The following DENND1A variants were observed in gnomAD, a reference collection of about 807,000 sequenced individuals.
DENND1A encodes the protein DENN domain-containing protein 1A.
DENND1A carries 51 observed loss-of-function variants against 113.7 expected under a neutral mutation model. The ratio of observed to expected loss-of-function variants is 0.45; its 90% CI spans 0.36 to 0.57. The LOEUF is 0.57. Ranked by LOEUF, DENND1A falls within the 20% of genes least tolerant of loss-of-function variation. The pLI is 0.00. For missense variants in DENND1A, 1,258 were observed against 1,395.9 expected, an observed-to-expected ratio of 0.90 and a Z score of 1.57; for synonymous variants, 565 against 570.8, an observed-to-expected ratio of 0.99 and a Z score of 0.14.
At chr9:123,695,316 C>A (rs957726415) in intron 5 of DENND1A, among the ~76,000 whole-genome samples, 1 of 152,060 alleles carries the variant, frequency 6.6e-6, no homozygotes, top group African/African-American at 2.4e-5. Context: ...AAAGTCCATA[C>A]GCTAAATATT....
intron 21 of DENND1A, among the ~76,000 whole-genome samples, chr9:123,391,999 C>T (rs1434147678): frequency 6.6e-6 from 1 of 152,196 alleles, no homozygotes; most frequent in African/African-American, 2.4e-5. Context: ...CCCGCCTCTG[C>T]CCACCTTGTC....
chr9:123,657,388 G>T (rs2063007649), intron 8 of DENND1A, among the ~76,000 whole-genome samples: 1 of 151,422 alleles, frequency 6.6e-6, no homozygotes, highest in South Asian at 2.1e-4. Context: ...TACGAAGCAG[G>T]TGGGGGTGGT....
At chr9:123,701,969 C>A (rs919337368) in intron 5 of DENND1A, among the ~76,000 whole-genome samples, 1 of 152,156 alleles carries the variant, frequency 6.6e-6, no homozygotes, top group Non-Finnish European at 1.5e-5. Flanking sequence ...GTACTAGTGA[C>A]TGACCATAAA....
intron 11 of DENND1A, among the ~76,000 whole-genome samples, chr9:123,601,587 A>G (rs1189117149): frequency 6.6e-6 from 1 of 152,186 alleles, no homozygotes; most frequent in Non-Finnish European, 1.5e-5. Context: ...CCACCGTTCA[A>G]TTACCTTTTT....
At chr9:123,540,109 C>T (rs1207742013) in intron 13 of DENND1A, among the ~76,000 whole-genome samples, 2 of 152,154 alleles carry the variant, frequency 1.3e-5, no homozygotes, top group African/African-American at 2.4e-5. Context: ...AATCTTGTAT[C>T]TACCCAACTG....
chr9:123,877,133 AC>A (rs1406405727), intron 2 of DENND1A, among the ~76,000 whole-genome samples: 2 of 152,204 alleles, frequency 1.3e-5, no homozygotes, highest in East Asian at 3.8e-4. Flanking sequence ...CCCAGACTTC[AC>A]CACTATGCAA....
In DENND1A at chr9:123,746,573, G is replaced by A. The variant is rs142178865; in HGVS notation, c.302+11130C>T. Among the ~76,000 whole-genome samples the A allele has an allele frequency of 2.9e-3, 443 of 152,176 alleles. 3 individuals carry two copies. The highest frequency in any genetic ancestry group is 9.7e-3 in the African/African-American group (402 of 41,536). Reference sequence around the variant, plus strand: ...CTAATTTGGAAATCCAAAATGCTCCGATGGACATTTCATTTGAGCATCATG... The same window carrying A: ...CTAATTTGGAAATCCAAAATGCTCCAATGGACATTTCATTTGAGCATCATG... On this transcript the variant is annotated intron_variant, in intron 5 of 23. Transcript: ENST00000394215.
At chr9:123,918,393 C>T (rs1419081417) in intron 1 of DENND1A, among the ~76,000 whole-genome samples, 2 of 151,368 alleles carry the variant, frequency 1.3e-5, no homozygotes, top group African/African-American at 4.9e-5. Flanking sequence ...GAGGCTGAAG[C>T]AGGAGAATGG....
intron 12 of DENND1A, among the ~76,000 whole-genome samples, chr9:123,560,080 T>G (rs908028273): frequency 1.3e-5 from 2 of 152,258 alleles, no homozygotes; most frequent in Non-Finnish European, 2.9e-5. Context: ...ATTTTATCGA[T>G]CTGTTCATCT....
chr9:123,633,090 T>C (rs1473876114), intron 9 of DENND1A, among the ~76,000 whole-genome samples: 1 of 152,152 alleles, frequency 6.6e-6, no homozygotes, highest in African/African-American at 2.4e-5. Flanking sequence ...GTATATTTTG[T>C]AGAGACGGGG....
chr9:123,421,650 T>G (rs991743083), intron 19 of DENND1A, among the ~76,000 whole-genome samples: 1 of 152,202 alleles, frequency 6.6e-6, no homozygotes, highest in Non-Finnish European at 1.5e-5. Flanking sequence ...ACCAGGCTCA[T>G]TTATCATCTC....
intron 13 of DENND1A, among the ~76,000 whole-genome samples, chr9:123,489,233 T>C (rs960335994): frequency 6.6e-6 from 1 of 152,178 alleles, no homozygotes; most frequent in South Asian, 2.1e-4. Flanking sequence ...GAAGTTCTAG[T>C]CCTATTCCCA....
intron 13 of DENND1A, among the ~76,000 whole-genome samples, chr9:123,546,623 A>G: frequency 6.6e-6 from 1 of 152,174 alleles, no homozygotes; most frequent in East Asian, 1.9e-4. Context: ...TTTCTGATGT[A>G]TAGCATGGGG....
Position 123,667,068 on chromosome 9 carries a change from A to G in DENND1A, c.465T>C (p.Phe155=). 6.2e-7 allele frequency: 1 copy of G among 1,600,874 alleles called. No individual in the cohort carries two copies. The highest frequency in any genetic ancestry group is 8.5e-7 in the Non-Finnish European group (1 of 1,176,180). Residue 155 remains phenylalanine, a synonymous_variant, in exon 8 of 24, where the codon TTT becomes TTC. Coordinates refer to ENST00000394215, the MANE Select transcript of DENND1A (RefSeq NM_001352964.2). ...VSVHLSVHSY[F]TVPDTRELPS... ...GAAGTTCTCTGGTATCAGGCACAGT[A>G]AAATAAGAATGCTAGAAAAGAAAAG...
At chr9:123,533,117 C>A (rs2055464393) in intron 13 of DENND1A, among the ~76,000 whole-genome samples, 1 of 152,216 alleles carries the variant, frequency 6.6e-6, no homozygotes, top group Admixed American at 6.5e-5. Context: ...CTGTTGAATT[C>A]TCCTGCAAAA....
chr9:123,755,769 C>T (rs2070488065), intron 5 of DENND1A, among the ~76,000 whole-genome samples: 1 of 152,190 alleles, frequency 6.6e-6, no homozygotes, highest in Non-Finnish European at 1.5e-5. Flanking sequence ...TTCTTAATAA[C>T]TTTTCCCTTC....
Position 123,381,577 on chromosome 9 carries a change from A to G in DENND1A, c.3068T>C (p.Leu1023Pro). ...PRPPQGLEPT[L>P]QPSAPQQARD... ...GGCCTGTTGAGGAGCAGAGGGCTGC[A>G]GTGTTGGCTCCAGGCCTTGAGGGGG... Residue 1023 changes from leucine to proline, a missense_variant, in exon 24 of 24, where the codon CTG becomes CCG. This residue lies in a region of DENND1A where 1,159 missense variants were observed against 1,231.7 expected (regional missense o/e 0.94). Coordinates refer to ENST00000394215, the MANE Select transcript of DENND1A (RefSeq NM_001352964.2). This position sits in a 1 kb window ranked among gnomAD's most constrained non-coding sequence, Gnocchi z 4.7. 6.2e-7 allele frequency: 1 copy of G among 1,613,574 alleles called. No homozygotes were observed. The highest frequency in any genetic ancestry group is 8.5e-7 in the Non-Finnish European group (1 of 1,179,948).
chr9:123,646,635 G>A (rs956919864), intron 9 of DENND1A, among the ~76,000 whole-genome samples: 1 of 151,868 alleles, frequency 6.6e-6, no homozygotes, highest in Non-Finnish European at 1.5e-5. Context: ...CGCTCTCTTC[G>A]GCTTTATTTT....
At chr9:123,739,691 G>A (rs2068837835) in intron 5 of DENND1A, among the ~76,000 whole-genome samples, 1 of 152,070 alleles carries the variant, frequency 6.6e-6, no homozygotes, top group Admixed American at 6.6e-5. Flanking sequence ...GTACAAGAAA[G>A]ATCTAAAATA....
Sources: allele counts gnomAD v4.1 joint callset (sites outside exome capture counted in the v4.1 genomes callset), GRCh38; gene constraint gnomAD v4.1.1; regional missense constraint gnomAD v4.1.1; non-coding constraint Gnocchi (gnomAD v3.1); transcripts MANE v1.5; gene names NCBI Gene and HGNC (gene_info 2026-07-23, HGNC 2026-07-21).